Variants in RNASET2 observed in about 807,000 individuals in gnomAD.
RNASET2 encodes the protein ribonuclease 6.
RNASET2 carries 28 observed loss-of-function variants against 33.9 expected under a neutral mutation model. The ratio of observed to expected loss-of-function variants is 0.83; its 90% CI spans 0.61 to 1.13. The LOEUF (loss-of-function observed/expected upper bound fraction) is 1.13, where lower values mean the gene tolerates loss of function less well. Ranked by LOEUF, RNASET2 falls within the 50% of genes most tolerant of loss-of-function variation. The probability of loss-of-function intolerance (pLI) is 0.00; values close to 1 mark genes in which losing one functional copy is unlikely to be tolerated. For missense variants in RNASET2, 330 were observed against 319.9 expected (o/e 1.03, Z -0.24); for synonymous variants, 123 against 121.0 (o/e 1.02, Z -0.11).
intron 5 of RNASET2, 80 bp from the exon 6 acceptor site, chr6:166,939,088 C>G: frequency 7.0e-6 from 7 of 998,242 alleles, no homozygotes; most frequent in Non-Finnish European, 1.1e-5. Context: ...AATCCCAACA[C>G]TTTGGGAGGC....
chr6:166,950,926 C>G (rs559675992), intron 2 of RNASET2, among the ~76,000 whole-genome samples: 1 of 152,076 alleles, frequency 6.6e-6, no homozygotes, highest in African/African-American at 2.4e-5. Flanking sequence ...CGTGTGGAGA[C>G]GAGAGATTGT....
At position 166,922,365 on chromosome 6, in the gene RNASET2, G is replaced by T. The variant is rs1044249653; in HGVS notation, c.*7223C>A. Among the ~76,000 whole-genome samples, 5 of 151,996 alleles carry T rather than the reference G, an allele frequency of 3.3e-5. No homozygotes were observed. Among genetic ancestry groups the T allele is most frequent in the Admixed American group, 6.6e-5 (1 of 15,258 alleles). On this transcript the variant is annotated 3_prime_UTR_variant, in exon 9 of 9. Coordinates refer to ENST00000508775, the MANE Select transcript of RNASET2 (RefSeq NM_003730.6). ...CCTCATCTCTCATCATCAGCAAGTT[G>T]CATCCCACTGACCATCCCCCGGCTC...
chr6:166,925,757 C>T lies in RNASET2; in HGVS notation c.*3831G>A, dbSNP rs560643763. On this transcript the variant is annotated 3_prime_UTR_variant, in exon 9 of 9. Coordinates refer to ENST00000508775, the MANE Select transcript of RNASET2 (RefSeq NM_003730.6). ...GAACTCTTAACGGCCAACCATGGAA[C>T]TGGGTGTTGATATCCCATGGAACTT... Among the ~76,000 whole-genome samples, 1 of 152,358 alleles carries T rather than the reference C, an allele frequency of 6.6e-6. No individual in the cohort carries two copies. Among genetic ancestry groups the T allele is most frequent in the East Asian group, 1.9e-4 (1 of 5,188 alleles).
At position 166,940,742 on chromosome 6, in the gene RNASET2, C is replaced by CT. The variant is rs199738677; in HGVS notation, c.333-1735dup. On this transcript the variant is annotated intron_variant, in intron 5 of 8. Coordinates refer to ENST00000508775, the MANE Select transcript of RNASET2 (RefSeq NM_003730.6). ...CACTCACACTTCATTTGGACTGGACCTTTTTTTTTTAAGCATCAGAACGGT... is the reference window on the plus strand; with the variant it reads ...CACTCACACTTCATTTGGACTGGACCTTTTTTTTTTTAAGCATCAGAACGGT... Among the ~76,000 whole-genome samples, 855 of 149,138 alleles carry CT rather than the reference C, an allele frequency of 5.7e-3. 10 individuals carry two copies. The highest frequency in any genetic ancestry group is 0.027 in the South Asian group (126 of 4,676).
rs748531821 is a variant in RNASET2, at chr6:166,955,411, GCA to G, written c.86+684_86+685del. 7.9e-3 allele frequency: 3,993 copies of G among 507,796 alleles called. 48 individuals are homozygous for G. The highest frequency in any genetic ancestry group is 0.02 in the Middle Eastern group (20 of 988). 31.5% of individuals were successfully genotyped at this position (507,796 alleles called of 1,614,324 possible). On this transcript the variant is annotated intron_variant, in intron 1 of 8. Transcript: ENST00000508775. ...CACACACACGCGCACACACACACGC[GCA>G]CACACACACACACGCGGAGGGCGAG... is the stretch of plus-strand genomic sequence containing the variant.
chr6:166,948,667 T>A, intron 2 of RNASET2, 42 bp from the exon 3 acceptor site: 1 of 1,169,904 alleles, frequency 8.5e-7, no homozygotes, highest in Non-Finnish European at 1.3e-6. Flanking sequence ...GCTCTTTGTT[T>A]ATTCAAATAC....
Position 166,929,357 on chromosome 6 carries a change from C to A in RNASET2, c.*231G>T, listed in dbSNP as rs1022805490. 5 of 541,770 alleles carry A rather than the reference C, an allele frequency of 9.2e-6. No homozygotes were observed. Among genetic ancestry groups the A allele is most frequent in the South Asian group, 2.2e-5 (1 of 46,390 alleles). The allele number at this position is 541,770 out of a possible 1,614,324, so 33.6% of individuals were successfully genotyped here. A position where few individuals can be genotyped will look rare whatever the true frequency, so the allele number is the denominator to read the frequency against. On this transcript the variant is annotated 3_prime_UTR_variant, in exon 9 of 9. Coordinates refer to ENST00000508775, the MANE Select transcript of RNASET2 (RefSeq NM_003730.6). ...AGAGTTTAATAGAGAAAAAAAAAAA[C>A]AATCTGTGAGCTTTATCCCAAGCAC...
At position 166,928,391 on chromosome 6, in the gene RNASET2, C is replaced by A. The variant is rs530986561; in HGVS notation, c.*1197G>T. Among the ~76,000 whole-genome samples the A allele has an allele frequency of 6.6e-6, 1 of 150,528 alleles. No homozygotes were observed. Among genetic ancestry groups the A allele is most frequent in the South Asian group, 2.1e-4 (1 of 4,792 alleles). On this transcript the variant is annotated 3_prime_UTR_variant, in exon 9 of 9. Transcript: ENST00000508775. ...TTTTGGTTTGAGCCAATTTGAAAAT[C>A]TCTTCTTTAAATGGGCGAGTAAAGC...
At chr6:166,948,702 T>C (rs1013512934) in intron 2 of RNASET2, 77 bp from the exon 3 acceptor site, 8 of 862,916 alleles carry the variant, frequency 9.3e-6, no homozygotes, top group Admixed American at 8.7e-5. Flanking sequence ...TTAAAATACA[T>C]TTAGCAGCTA....
At chr6:166,944,034 C>T (rs1032168512) in intron 4 of RNASET2, 8 of 176,686 alleles carry the variant, frequency 4.5e-5, no homozygotes, top group South Asian at 1.9e-4. Context: ...GCAGGAGAAT[C>T]GCTTGAACCA....
Position 166,956,313 on chromosome 6 carries a change from C to T in RNASET2, c.-131G>A. ...CGCCGCCGCGCTCCCTCCGCTGCAG[C>T]AGCGGCCACCGGGTGCGCCCGGAGC... is the stretch of plus-strand genomic sequence containing the variant. On this transcript the variant is annotated 5_prime_UTR_variant, in exon 1 of 9. Transcript: ENST00000508775. 1 of 886,726 alleles carries T rather than the reference C, an allele frequency of 1.1e-6. No homozygotes were observed. The highest frequency in any genetic ancestry group is 2.0e-5 in the Admixed American group (1 of 48,942). The allele number at this position is 886,726 out of a possible 1,614,324, so 54.9% of individuals were successfully genotyped here.
In RNASET2 at chr6:166,924,424, T is replaced by A. The variant is rs1385035510; in HGVS notation, c.*5164A>T. Among the ~76,000 whole-genome samples the A allele has an allele frequency of 1.3e-5, 2 of 152,170 alleles. No individual in the cohort carries two copies. The highest frequency in any genetic ancestry group is 3.9e-4 in the East Asian group (2 of 5,192). On this transcript the variant is annotated 3_prime_UTR_variant, in exon 9 of 9. Transcript: ENST00000508775. Reference sequence around the variant, plus strand: ...TCTCTTTTCTATTTTATTCATTTATTCACTCCATCACTAGAGAACACTGGC... The same window carrying A: ...TCTCTTTTCTATTTTATTCATTTATACACTCCATCACTAGAGAACACTGGC...
chr6:166,929,720 G>A lies in RNASET2; in HGVS notation c.639C>T (p.Cys213=), dbSNP rs1474853266. The A allele has an allele frequency of 1.9e-6, 3 of 1,614,124 alleles. No homozygotes were observed. Among genetic ancestry groups the A allele is most frequent in the Middle Eastern group, 1.6e-4 (1 of 6,062 alleles). ...GGGACGGCTGCTCCCCCGGCTCGGT[G>A]CAGTTTTGCAGCTGCTGGTCTTGCT... ...LTKQDQQLQN[C]TEPGEQPSPK... is the part of the protein sequence containing the mutation. The change falls in exon 9 of 9, where the codon TGC becomes TGT. Residue 213 remains cysteine (C), a synonymous_variant. Coordinates refer to ENST00000508775, the MANE Select transcript of RNASET2 (RefSeq NM_003730.6).
intron 6 of RNASET2, among the ~76,000 whole-genome samples, chr6:166,936,984 T>G (rs989970949): frequency 2.6e-5 from 4 of 152,218 alleles, no homozygotes; most frequent in African/African-American, 9.6e-5. Flanking sequence ...GGGTCAGGAC[T>G]GTGAGACCCC....
intron 4 of RNASET2, among the ~76,000 whole-genome samples, chr6:166,944,695 A>G (rs968588869): frequency 6.7e-6 from 1 of 148,610 alleles, no homozygotes; most frequent in Non-Finnish European, 1.5e-5. Context: ...CCCCACTCAA[A>G]AAGCATTTCA....
At chr6:166,941,059 G>A (rs764344615) in intron 5 of RNASET2, among the ~76,000 whole-genome samples, 14 of 152,138 alleles carry the variant, frequency 9.2e-5, no homozygotes, top group Non-Finnish European at 1.9e-4. Context: ...CACAGGACTG[G>A]GTGACACAGC....
At position 166,922,584 on chromosome 6, in the gene RNASET2, G is replaced by A. The variant is rs913907094; in HGVS notation, c.*7004C>T. The stretch of plus-strand genomic sequence containing the variant: ...TAAAACATTCAGAGAAAAACCAATC[G>A]GGTGACATTTCAGTTTTGATTAGTG... On this transcript the variant is annotated 3_prime_UTR_variant, in exon 9 of 9. Transcript: ENST00000508775. Among the ~76,000 whole-genome samples, 1 of 152,162 alleles carries A rather than the reference G, an allele frequency of 6.6e-6. No individual in the cohort carries two copies. The highest frequency in any genetic ancestry group is 2.4e-5 in the African/African-American group (1 of 41,426).
At chr6:166,934,600 T>C in intron 6 of RNASET2, 1 of 207,932 alleles carries the variant, frequency 4.8e-6, no homozygotes, top group South Asian at 8.5e-5. Context: ...TATGACCACA[T>C]TTCTACTGTG....
intron 1 of RNASET2, chr6:166,955,482 AC>A: frequency 1.0e-6 from 1 of 986,980 alleles, no homozygotes; most frequent in Non-Finnish European, 1.2e-6. Flanking sequence ...AAGAGGAAGA[AC>A]CGTCGTTTCA....
Sources: gnomAD v4.1 joint callset for allele counts (sites outside exome capture counted in the v4.1 genomes callset) on GRCh38, gnomAD v4.1.1 for gene constraint, MANE v1.5 for transcripts, NCBI Gene and HGNC (gene_info 2026-07-23, HGNC 2026-07-21) for gene names.